Variants in GAGE12E observed in about 807,000 individuals in gnomAD.
GAGE12E encodes G antigen 12E, also known as G antigen 12B/C/D/E.
intron 4 of GAGE12E, among the ~76,000 whole-genome samples, chrX:49,557,329 C>CT (rs201418669): frequency 3.1e-4 from 23 of 75,028 alleles, no homozygotes; most frequent in African/African-American, 8.6e-4. Context: ...ACAATTGCTT[C>CT]TTTTTTTTTC....
intron 4 of GAGE12E, among the ~76,000 whole-genome samples, chrX:49,557,343 T>G (rs1262225972): frequency 1.2e-5 from 1 of 80,661 alleles, no homozygotes; most frequent in Non-Finnish European, 3.0e-5. Context: ...TTTTTTCTTT[T>G]ATTTATTTAT....
At chrX:49,557,353 T>C (rs1557129112) in intron 4 of GAGE12E, among the ~76,000 whole-genome samples, 3 of 80,805 alleles carry the variant, frequency 3.7e-5, no homozygotes, top group African/African-American at 1.1e-4. Context: ...TATTTATTTA[T>C]TTATTTATTT....
intron 4 of GAGE12E, among the ~76,000 whole-genome samples, chrX:49,557,078 G>GGTTT (rs1337669372): frequency 6.0e-4 from 24 of 40,065 alleles, no homozygotes; most frequent in African/African-American, 1.7e-3. Flanking sequence ...CCCTCTTCTT[G>GGTTT]GTTTGTTTGT....
intron 4 of GAGE12E, among the ~76,000 whole-genome samples, chrX:49,557,454 T>A (rs1399417037): frequency 3.4e-5 from 2 of 59,080 alleles, no homozygotes; most frequent in African/African-American, 4.8e-5. Context: ...TGTGCCATGC[T>A]GGTGCGCTGC....
At chrX:49,557,344 A>T (rs1221665155) in intron 4 of GAGE12E, among the ~76,000 whole-genome samples, 7 of 80,116 alleles carry the variant, frequency 8.7e-5, no homozygotes, top group Non-Finnish European at 6.0e-5. Context: ...TTTTTCTTTT[A>T]TTTATTTATT....
intron 4 of GAGE12E, among the ~76,000 whole-genome samples, chrX:49,557,390 T>G (rs1444122018): frequency 2.5e-5 from 2 of 79,588 alleles, no homozygotes; most frequent in African/African-American, 7.3e-5. Context: ...ATCATTATAC[T>G]TTAAGTTTTA....
intron 4 of GAGE12E, among the ~76,000 whole-genome samples, chrX:49,557,523 C>T (rs1473658506): frequency 2.5e-5 from 1 of 40,267 alleles, no homozygotes; most frequent in African/African-American, 6.7e-5. Context: ...CTCCCCCCTC[C>T]CCCCACCCGA....
chrX:49,557,257 C>T (rs2066554844), intron 4 of GAGE12E, among the ~76,000 whole-genome samples: 1 of 61,527 alleles, frequency 1.6e-5, no homozygotes, highest in African/African-American at 4.6e-5. Flanking sequence ...TTTTTGTTTT[C>T]ATTTTTGTAG....
rs1444122018 is a variant in GAGE12E, at chrX:49,557,390, T to C, written c.332-1143T>C. On this transcript the variant is annotated intron_variant, in intron 4 of 4. Transcript: ENST00000381698. ...TTTATTTATTTATTTATCATTATAC[T>C]TTAAGTTTTAGGGTACATGTGCACG... Among the ~76,000 whole-genome samples the C allele has an allele frequency of 1.0e-4, 8 of 79,585 alleles. No homozygotes were observed. In the East Asian group the frequency reaches 2.5e-3, roughly 25 times the overall value. 69.1% of individuals were successfully genotyped at this position (79,585 alleles called of 115,157 possible). A position where few individuals can be genotyped will look rare whatever the true frequency, so the allele number is the denominator to read the frequency against.
chrX:49,557,527 CA>C (rs1237795602), intron 4 of GAGE12E, among the ~76,000 whole-genome samples: 32 of 40,338 alleles, frequency 7.9e-4, no homozygotes, highest in Non-Finnish European at 1.9e-3. Context: ...CCCCTCCCCC[CA>C]CCCGACAACA....
intron 4 of GAGE12E, among the ~76,000 whole-genome samples, chrX:49,557,345 T>A (rs2066555416): frequency 1.2e-5 from 1 of 80,740 alleles, no homozygotes; most frequent in Admixed American, 1.2e-4. Flanking sequence ...TTTTCTTTTA[T>A]TTATTTATTT....
intron 4 of GAGE12E, among the ~76,000 whole-genome samples, chrX:49,557,380 A>G (rs1426473049): frequency 3.8e-5 from 3 of 79,472 alleles, no homozygotes; most frequent in African/African-American, 7.3e-5. Context: ...TTATTTATTT[A>G]TCATTATACT....
intron 4 of GAGE12E, among the ~76,000 whole-genome samples, chrX:49,557,795 A>G (rs2066557757): frequency 5.6e-4 from 1 of 1,783 alleles, no homozygotes; most frequent in African/African-American, 1.8e-3. Flanking sequence ...GTTGGTTCCA[A>G]GTCTTTGCTA....
chrX:49,557,329 CTT>C (rs201418669), intron 4 of GAGE12E, among the ~76,000 whole-genome samples: 5 of 75,073 alleles, frequency 6.7e-5, no homozygotes, highest in Non-Finnish European at 1.6e-4. Context: ...ACAATTGCTT[CTT>C]TTTTTTTCTT....
At chrX:49,553,487 C>CAA (rs2066552185) in intron 3 of GAGE12E, among the ~76,000 whole-genome samples, 25 of 31,450 alleles carry the variant, frequency 7.9e-4, no homozygotes, top group African/African-American at 2.0e-3. Context: ...GCTTAAAACT[C>CAA]AAAAGGCTTT....
chrX:49,557,378 T>C (rs1335112755), intron 4 of GAGE12E, among the ~76,000 whole-genome samples: 1 of 80,821 alleles, frequency 1.2e-5, no homozygotes, highest in African/African-American at 3.6e-5. Context: ...ATTTATTTAT[T>C]TATCATTATA....
At chrX:49,557,386 A>G (rs1444214690) in intron 4 of GAGE12E, among the ~76,000 whole-genome samples, 1 of 79,389 alleles carries the variant, frequency 1.3e-5, no homozygotes, top group Non-Finnish European at 3.0e-5. Flanking sequence ...ATTTATCATT[A>G]TACTTTAAGT....
intron 4 of GAGE12E, among the ~76,000 whole-genome samples, chrX:49,557,407 A>G (rs1557129125): frequency 2.6e-5 from 2 of 75,627 alleles, no homozygotes; most frequent in African/African-American, 7.6e-5. Context: ...TTTAGGGTAC[A>G]TGTGCACGTT....
At chrX:49,557,470 C>G (rs2066556408) in intron 4 of GAGE12E, among the ~76,000 whole-genome samples, 5 of 45,002 alleles carry the variant, frequency 1.1e-4, no homozygotes, top group South Asian at 1.6e-3. Context: ...GCTGCACCCA[C>G]TATCTCATCA....
Sources: gnomAD v4.1 joint callset for allele counts (sites outside exome capture counted in the v4.1 genomes callset) on GRCh38, gnomAD v4.1.1 for gene constraint, MANE v1.5 for transcripts, NCBI Gene and HGNC (gene_info 2026-07-23, HGNC 2026-07-21) for gene names.